The following ATP1B2 variants were observed in gnomAD, a reference collection of about 807,000 sequenced individuals.
The protein encoded by ATP1B2 is ATPase Na+/K+ transporting subunit beta 2.
Under a neutral mutation model 37.3 loss-of-function variants are expected in ATP1B2, and 12 were observed. That is an observed-to-expected ratio of 0.32 (90% CI 0.21 to 0.52). The LOEUF (loss-of-function observed/expected upper bound fraction) is 0.52. Ranked by LOEUF, ATP1B2 falls within the 20% of genes least tolerant of loss-of-function variation. The pLI is 0.96. For missense variants in ATP1B2, 324 were observed against 391.6 expected, an observed-to-expected ratio of 0.83 and a Z score of 1.46; for synonymous variants, 139 against 140.5, an observed-to-expected ratio of 0.99 and a Z score of 0.07.
At position 7,654,852 on chromosome 17, in the gene ATP1B2, G is replaced by A. The variant is rs1310566375; in HGVS notation, c.609+168G>A. Reference sequence around the variant, plus strand: ...GGGCTTTTGGGCTCCACTGTAGCTTGAACTCCGAGGGCCCCGCACTCCTCT... The same window carrying A: ...GGGCTTTTGGGCTCCACTGTAGCTTAAACTCCGAGGGCCCCGCACTCCTCT... On this transcript the variant is annotated intron_variant, in intron 5 of 6. Coordinates refer to ENST00000250111, the MANE Select transcript of ATP1B2 (RefSeq NM_001678.5). This position sits in a 1 kb window ranked among gnomAD's most constrained non-coding sequence, Gnocchi z 4.9. 1.4e-6 allele frequency: 1 copy of A among 691,694 alleles called. No homozygotes were observed. The highest frequency in any genetic ancestry group is 1.8e-5 in the African/African-American group (1 of 55,886). 42.8% of individuals were successfully genotyped at this position (691,694 alleles called of 1,614,324 possible).
chr17:7,654,222 A>G lies in ATP1B2; in HGVS notation c.517A>G (p.Thr173Ala), dbSNP rs759427489. Residue 173 changes from threonine to alanine, a missense_variant, in exon 4 of 7, where the codon ACT becomes GCT. Thr to Ala is a moderately conservative substitution (Grantham distance 58, BLOSUM62 0). Transcript: ENST00000250111. This position sits in a 1 kb window ranked among gnomAD's most constrained non-coding sequence, Gnocchi z 4.9. ...IGDSTHYGYSTGQPCVFIKMN... is the reference protein window; with the variant it reads ...IGDSTHYGYSAGQPCVFIKMN... ...GGACTCCACCCACTATGGTTACAGC[A>G]CTGGGCAGCCCTGTGTCTTCATCAA... The G allele has an allele frequency of 6.2e-7, 1 of 1,614,104 alleles. No homozygotes were observed. The highest frequency in any genetic ancestry group is 1.7e-5 in the Admixed American group (1 of 60,014).
rs1001012398 is a variant in ATP1B2 at position 7,655,724 on chromosome 17, G to A, written c.709-7G>A. 1 of 1,614,016 alleles carries A rather than the reference G, an allele frequency of 6.2e-7. No individual in the cohort carries two copies. The highest frequency in any genetic ancestry group is 8.5e-7 in the Non-Finnish European group (1 of 1,179,984). On this transcript the variant is annotated splice_polypyrimidine_tract_variant and splice_region_variant and intron_variant, in intron 6 of 6. Transcript: ENST00000250111. The surrounding 1 kb of genome is among the most constrained non-coding windows in gnomAD (Gnocchi z 4.4). ...GGCCTAGACCCTGCACTGCTCCTCC[G>A]GCCCAGGTGAACTACACACAGCCCC...
At position 7,656,307 on chromosome 17, in the gene ATP1B2, C is replaced by T. The variant is rs948125914; in HGVS notation, c.*412C>T. ...ACGTGCACACGCGTCTCATTTGACC[C>T]CTTTGCTTCCAGAGATGAATGTGGC... On this transcript the variant is annotated 3_prime_UTR_variant, in exon 7 of 7. Coordinates refer to ENST00000250111, the MANE Select transcript of ATP1B2 (RefSeq NM_001678.5). 5.1e-6 allele frequency: 1 copy of T among 194,196 alleles called. No homozygotes were observed. The highest frequency in any genetic ancestry group is 1.1e-5 in the Non-Finnish European group (1 of 93,390). The allele number at this position is 194,196 out of a possible 1,614,324, so 12.0% of individuals were successfully genotyped here. A position where few individuals can be genotyped will look rare whatever the true frequency, so the allele number is the denominator to read the frequency against.
Position 7,654,851 on chromosome 17 carries a change from T to A in ATP1B2, c.609+167T>A. 2.8e-6 allele frequency: 2 copies of A among 716,788 alleles called. No individual in the cohort carries two copies. The highest frequency in any genetic ancestry group is 4.6e-6 in the Non-Finnish European group (2 of 430,214). 44.4% of individuals were successfully genotyped at this position (716,788 alleles called of 1,614,324 possible). A position where few individuals can be genotyped will look rare whatever the true frequency, so the allele number is the denominator to read the frequency against. On this transcript the variant is annotated intron_variant, in intron 5 of 6. Transcript: ENST00000250111. The surrounding 1 kb of genome is among the most constrained non-coding windows in gnomAD (Gnocchi z 4.9). Reference sequence around the variant, plus strand: ...TGGGCTTTTGGGCTCCACTGTAGCTTGAACTCCGAGGGCCCCGCACTCCTC... The same window carrying A: ...TGGGCTTTTGGGCTCCACTGTAGCTAGAACTCCGAGGGCCCCGCACTCCTC...
upstream of ATP1B2, among the ~76,000 whole-genome samples, chr17:7,650,496 C>T (rs973408587): frequency 1.3e-5 from 2 of 152,114 alleles, no homozygotes; most frequent in Non-Finnish European, 2.9e-5. Flanking sequence ...CTGGTCTCTT[C>T]GCTCTCTTTC....
At chr17:7,653,658 G>A (rs2150978073) in intron 2 of ATP1B2, among the ~76,000 whole-genome samples, 156 bp downstream of exon 2, 1 of 152,272 alleles carries the variant, frequency 6.6e-6, no homozygotes. Flanking sequence ...CCCATTTACT[G>A]CAGTTGGGAG....
chr17:7,647,361 C>T (rs1337403379), upstream of ATP1B2, among the ~76,000 whole-genome samples: 1 of 152,108 alleles, frequency 6.6e-6, no homozygotes, highest in Non-Finnish European at 1.5e-5. Context: ...CCTTCCTTAT[C>T]AGGAAGCTGA....
upstream of ATP1B2, among the ~76,000 whole-genome samples, chr17:7,648,115 C>T (rs2072586296): frequency 6.6e-6 from 1 of 151,868 alleles, no homozygotes; most frequent in Non-Finnish European, 1.5e-5. Flanking sequence ...TGGCCTGTGC[C>T]TGTAATCCCA....
upstream of ATP1B2, among the ~76,000 whole-genome samples, chr17:7,647,782 G>A (rs2072583622): frequency 6.6e-6 from 1 of 151,324 alleles, no homozygotes; most frequent in Non-Finnish European, 1.5e-5. Flanking sequence ...TCGCGCCATT[G>A]CACTCCAGCC....
At position 7,655,598 on chromosome 17, in the gene ATP1B2, C is replaced by T. The variant is rs1316471962; in HGVS notation, c.681C>T (p.Tyr227=). Residue 227 remains tyrosine (Y), a synonymous_variant, in exon 6 of 7, where the codon TAC becomes TAT. Transcript: ENST00000250111. The surrounding 1 kb of genome is among the most constrained non-coding windows in gnomAD (Gnocchi z 4.4). ...FPANGNIDLM[Y]FPYYGKKFHV... is the part of the protein sequence containing the mutation. ...CCAACGGCAACATCGACCTCATGTA[C>T]TTCCCCTACTATGGCAAAAAGTTCC... 6.2e-7 allele frequency: 1 copy of T among 1,614,168 alleles called. No homozygotes were observed.
Position 7,657,502 on chromosome 17 carries a change from C to G in ATP1B2, c.*1607C>G, listed in dbSNP as rs976686605. 6.6e-6 allele frequency: 1 copy of G among 152,236 alleles called. No individual in the cohort carries two copies. Among genetic ancestry groups the G allele is most frequent in the Non-Finnish European group, 1.5e-5 (1 of 68,058 alleles). The allele number at this position is 152,236 out of a possible 1,614,324, so 9.4% of individuals were successfully genotyped here. The stretch of plus-strand genomic sequence containing the variant: ...TAGAGGCATTTTAACCCTTTGTCCT[C>G]CAGCATCCCTTCACTTCCTCATCCT... On this transcript the variant is annotated 3_prime_UTR_variant, in exon 7 of 7. Transcript: ENST00000250111.
upstream of ATP1B2, among the ~76,000 whole-genome samples, chr17:7,650,315 T>G (rs1371847062): frequency 2.0e-5 from 3 of 152,074 alleles, no homozygotes; most frequent in Non-Finnish European, 4.4e-5. Flanking sequence ...TGGGGAAGCC[T>G]CTGCACGTGG....
chr17:7,651,710 C>T lies in ATP1B2; in HGVS notation c.112+80C>T, dbSNP rs2072614467. On this transcript the variant is annotated intron_variant, in intron 1 of 6. Coordinates refer to ENST00000250111, the MANE Select transcript of ATP1B2 (RefSeq NM_001678.5). The stretch of plus-strand genomic sequence containing the variant: ...GGGCGCAGGGTCCCGCCGACGCGGC[C>T]CCAGCTCCCCTCCCGGGTCCCCGGC... 5.5e-6 allele frequency: 7 copies of T among 1,263,040 alleles called. No individual in the cohort carries two copies. The South Asian group carries it at 5.9e-5, about 11-fold the overall frequency. 78.2% of individuals were successfully genotyped at this position (1,263,040 alleles called of 1,614,324 possible).
chr17:7,654,908 T>C lies in ATP1B2; in HGVS notation c.609+224T>C. On this transcript the variant is annotated intron_variant, in intron 5 of 6. Coordinates refer to ENST00000250111, the MANE Select transcript of ATP1B2 (RefSeq NM_001678.5). The surrounding 1 kb of genome is among the most constrained non-coding windows in gnomAD (Gnocchi z 4.9). ...CTCTCTGGGATGCAGAGGCCTGCTCTCCTAGGGGCCAGACACACGCCCTCC... is the reference window on the plus strand; with the variant it reads ...CTCTCTGGGATGCAGAGGCCTGCTCCCCTAGGGGCCAGACACACGCCCTCC... 1 of 554,950 alleles carries C rather than the reference T, an allele frequency of 1.8e-6. No individual in the cohort carries two copies. The highest frequency in any genetic ancestry group is 1.9e-5 in the African/African-American group (1 of 52,954). The allele number at this position is 554,950 out of a possible 1,614,324, so 34.4% of individuals were successfully genotyped here. A position where few individuals can be genotyped will look rare whatever the true frequency, so the allele number is the denominator to read the frequency against.
chr17:7,653,856 C>A lies in ATP1B2; in HGVS notation c.257C>A (p.Pro86His), dbSNP rs2150978126. The A allele has an allele frequency of 6.2e-7, 1 of 1,614,168 alleles. No homozygotes were observed. Among genetic ancestry groups the A allele is most frequent in the South Asian group, 1.1e-5 (1 of 91,078 alleles). The change falls in exon 3 of 7, where the codon CCC becomes CAC. Residue 86 changes from proline (P) to histidine (H), a missense_variant. Coordinates refer to ENST00000250111, the MANE Select transcript of ATP1B2 (RefSeq NM_001678.5). ...RLATPGLMIR[P>H]KTENLDVIVN... ...TTGGCTGTAGGCTTGATGATTCGCC[C>A]CAAGACTGAGAACCTTGATGTCATT...
upstream of ATP1B2, among the ~76,000 whole-genome samples, chr17:7,649,678 A>G (rs1393882398): frequency 4.7e-5 from 7 of 150,260 alleles, no homozygotes; most frequent in Non-Finnish European, 8.9e-5. Flanking sequence ...TCAGCCTCCC[A>G]AGTAGCTGGG....
chr17:7,652,029 C>T (rs2072617377), intron 1 of ATP1B2, among the ~76,000 whole-genome samples: 1 of 152,120 alleles, frequency 6.6e-6, no homozygotes, highest in African/African-American at 2.4e-5. Flanking sequence ...CGTGCCCACC[C>T]CCTGGACCCT....
chr17:7,652,008 T>G (rs1026609027), intron 1 of ATP1B2, among the ~76,000 whole-genome samples: 7 of 151,984 alleles, frequency 4.6e-5, no homozygotes, highest in African/African-American at 1.7e-4. Context: ...CAGCCCCGTC[T>G]ATTTTTAGCT....
rs1341760404 is a variant in ATP1B2 at position 7,650,965 on chromosome 17, C to T, written c.-554C>T. ...CGGAGCCTCCGCCTGGGGGGCCCCCCATCCCTGGCTGTCCCCCAGCTGCGC... is the reference window on the plus strand; with the variant it reads ...CGGAGCCTCCGCCTGGGGGGCCCCCTATCCCTGGCTGTCCCCCAGCTGCGC... On this transcript the variant is annotated 5_prime_UTR_variant, in exon 1 of 7. Coordinates refer to ENST00000250111, the MANE Select transcript of ATP1B2 (RefSeq NM_001678.5). 1.3e-5 allele frequency: 2 copies of T among 157,340 alleles called. No homozygotes were observed. Among genetic ancestry groups the T allele is most frequent in the African/African-American group, 4.8e-5 (2 of 41,446 alleles). 9.7% of individuals were successfully genotyped at this position (157,340 alleles called of 1,614,324 possible).
Sources: allele counts gnomAD v4.1 joint callset (sites outside exome capture counted in the v4.1 genomes callset), GRCh38; gene constraint gnomAD v4.1.1; non-coding constraint Gnocchi (gnomAD v3.1); transcripts MANE v1.5; gene names NCBI Gene and HGNC (gene_info 2026-07-23, HGNC 2026-07-21).